SLC27A1: variants seen among roughly 807,000 people sequenced by gnomAD.
SLC27A1 encodes the protein solute carrier family 27 member 1.
Under a neutral mutation model 62.2 loss-of-function variants are expected in SLC27A1, and 61 were observed. That is an observed-to-expected ratio of 0.98 (90% CI 0.80 to 1.21). The LOEUF (loss-of-function observed/expected upper bound fraction) is 1.21. Among genes scored for constraint, SLC27A1 ranks in the 50% most tolerant of loss-of-function variants. The pLI is 0.00. For missense variants in SLC27A1, 903 were observed against 932.1 expected (o/e 0.97, Z 0.41); for synonymous variants, 435 against 408.6 (o/e 1.06, Z -0.78).
chr19:17,487,091 C>T (rs746127451), intron 2 of SLC27A1, 83 bp from the exon 3 acceptor site: 2 of 1,596,816 alleles, frequency 1.3e-6, no homozygotes, highest in South Asian at 1.1e-5. Context: ...CTGGGTATGC[C>T]CCGGGCAGGG....
chr19:17,505,630 C>A lies in SLC27A1; in HGVS notation c.*1018C>A. The A allele has an allele frequency of 6.5e-6, 1 of 153,154 alleles. No homozygotes were observed. 9.5% of individuals were successfully genotyped at this position (153,154 alleles called of 1,614,324 possible). On this transcript the variant is annotated 3_prime_UTR_variant, in exon 12 of 12. Transcript: ENST00000252595. ...ACTGTCAGCCCCTGCCTTGATGTCC[C>A]CATTTAGCCATCTCCATGGAGCTCC...
chr19:17,483,231 A>T (rs2075197954), intron 1 of SLC27A1, among the ~76,000 whole-genome samples: 1 of 152,170 alleles, frequency 6.6e-6, no homozygotes, highest in African/African-American at 2.4e-5. Context: ...AGTGAAGGTG[A>T]CAGGGAGGGC....
intron 1 of SLC27A1, among the ~76,000 whole-genome samples, chr19:17,473,563 T>G (rs2075096320): frequency 6.6e-6 from 1 of 152,156 alleles, no homozygotes; most frequent in Non-Finnish European, 1.5e-5. Context: ...GTTGCTACAT[T>G]AATAAAAAAT....
chr19:17,489,106 T>C lies in SLC27A1; in HGVS notation c.985T>C (p.Tyr329His), dbSNP rs775380263. Residue 329 changes from tyrosine (Y) to histidine (H), a missense_variant, in exon 6 of 12, where the codon TAC becomes CAC. Transcript: ENST00000252595. ...CCGCTTCTGGGACGACTGCATCAAG[T>C]ACAACTGCACGGTCAGGCCCTGCCC... is the stretch of plus-strand genomic sequence containing the variant. ...ASRFWDDCIK[Y>H]NCTVVQYIGE... is the part of the protein sequence containing the mutation. 15 of 1,614,016 alleles carry C rather than the reference T, an allele frequency of 9.3e-6. No homozygotes were observed. The highest frequency in any genetic ancestry group is 1.3e-5 in the Non-Finnish European group (15 of 1,179,954).
chr19:17,486,916 C>A lies in SLC27A1; in HGVS notation c.521C>A (p.Ser174Ter). The change falls in exon 2 of 12, where the codon TCG (serine) becomes TAG (stop). Residue 174 changes from serine to a stop codon, truncating the protein, a stop_gained. Coordinates refer to ENST00000252595, the MANE Select transcript of SLC27A1 (RefSeq NM_198580.3). LOFTEE classifies it high-confidence loss of function. This position sits in a 1 kb window ranked among gnomAD's most constrained non-coding sequence, Gnocchi z 6.6. ...REPLAFCLGT[S>*]GAKALIFGGE... ...CCCCTGGCCTTCTGCCTGGGCACCT[C>A]GGGCGCTAAGGCCCTGATCTTTGGA... The A allele has an allele frequency of 6.3e-7, 1 of 1,591,926 alleles. No homozygotes were observed. Among genetic ancestry groups the A allele is most frequent in the Non-Finnish European group, 8.5e-7 (1 of 1,176,266 alleles).
chr19:17,489,019 G>C lies in SLC27A1; in HGVS notation c.898G>C (p.Gly300Arg). ...PLYHSAGNII[G>R]VGQCLIYGLT... ...GCCACCCTCTGCAGGAAACATCATC[G>C]GCGTGGGGCAGTGTCTCATCTATGG... The change falls in exon 6 of 12, where the codon GGC becomes CGC. Residue 300 changes from glycine to arginine, a missense_variant. Coordinates refer to ENST00000252595, the MANE Select transcript of SLC27A1 (RefSeq NM_198580.3). The C allele has an allele frequency of 6.2e-7, 1 of 1,614,102 alleles. No homozygotes were observed. The highest frequency in any genetic ancestry group is 2.2e-5 in the East Asian group (1 of 44,870).
chr19:17,494,611 G>A lies in SLC27A1; in HGVS notation c.997-2644G>A, dbSNP rs373913794. Reference sequence around the variant, plus strand: ...GAAAGTGCTGAGATTACAGGCGTGAGCTACCGTGCCCGGCCACAGGTAGCC... The same window carrying A: ...GAAAGTGCTGAGATTACAGGCGTGAACTACCGTGCCCGGCCACAGGTAGCC... On this transcript the variant is annotated intron_variant, in intron 6 of 11. Transcript: ENST00000252595. 3.3e-5 allele frequency among the ~76,000 whole-genome samples: 5 copies of A among 152,216 alleles called. No homozygotes were observed. In the South Asian group the frequency reaches 8.3e-4, roughly 25 times the overall value.
chr19:17,490,479 CAG>C (rs2075284092), intron 6 of SLC27A1, among the ~76,000 whole-genome samples: 1 of 151,678 alleles, frequency 6.6e-6, no homozygotes. Flanking sequence ...AAAAAAATTA[CAG>C]AGAGTAGCAA....
chr19:17,500,462 C>T, intron 8 of SLC27A1, 33 bp from the exon 9 acceptor site: 1 of 1,612,592 alleles, frequency 6.2e-7, no homozygotes, highest in Non-Finnish European at 8.5e-7. Flanking sequence ...GCCCTGCCTG[C>T]CTAGCGCAGC....
chr19:17,495,536 C>T (rs192052425), intron 6 of SLC27A1: 305 of 152,484 alleles, frequency 2.0e-3, no homozygotes, highest in Middle Eastern at 3.3e-3. Flanking sequence ...CCTGCTTTGG[C>T]CTCCCAAAGT....
At chr19:17,469,298 T>A (rs1425535580), upstream of SLC27A1, among the ~76,000 whole-genome samples, 1 of 152,106 alleles carries the variant, frequency 6.6e-6, no homozygotes, top group African/African-American at 2.4e-5. Context: ...TGGTGTGAGT[T>A]GAGCACTCCC....
Position 17,504,856 on chromosome 19 carries a change from G to A in SLC27A1, c.*244G>A, listed in dbSNP as rs1293006614. 1.5e-6 allele frequency: 1 copy of A among 685,696 alleles called. No homozygotes were observed. Among genetic ancestry groups the A allele is most frequent in the Non-Finnish European group, 2.7e-6 (1 of 375,064 alleles). 42.5% of individuals were successfully genotyped at this position (685,696 alleles called of 1,614,324 possible). A position where few individuals can be genotyped will look rare whatever the true frequency, so the allele number is the denominator to read the frequency against. ...TCTGTCTCCTTCCATCCCTGTCCCT[G>A]TCTGGCCTTAACTCTTCCCTCTTTT... On this transcript the variant is annotated 3_prime_UTR_variant, in exon 12 of 12. Coordinates refer to ENST00000252595, the MANE Select transcript of SLC27A1 (RefSeq NM_198580.3).
Position 17,497,590 on chromosome 19 carries a change from G to A in SLC27A1, c.1206+126G>A, listed in dbSNP as rs148321933. ...CGCGGAAGGCTCCGCCAAGGCGCAC[G>A]CAGGGCGGGGTGTAAGGGGAGTTCC... On this transcript the variant is annotated intron_variant, in intron 7 of 11. Coordinates refer to ENST00000252595, the MANE Select transcript of SLC27A1 (RefSeq NM_198580.3). 6.6e-5 allele frequency: 56 copies of A among 847,028 alleles called. 1 individual carries two copies. In the East Asian group the frequency reaches 1.0e-3, roughly 16 times the overall value. The allele number at this position is 847,028 out of a possible 1,614,324, so 52.5% of individuals were successfully genotyped here.
chr19:17,489,231 A>G (rs1292963745), intron 6 of SLC27A1, 114 bp downstream of exon 6: 2 of 809,084 alleles, frequency 2.5e-6, no homozygotes, highest in Non-Finnish European at 3.9e-6. Context: ...GCAAAGCCCC[A>G]CCTCCTCCTG....
upstream of SLC27A1, chr19:17,470,508 GC>G (rs1568406997): frequency 6.6e-7 from 1 of 1,511,470 alleles, no homozygotes; most frequent in Non-Finnish European, 8.8e-7. Context: ...GGCTGGAGCG[GC>G]CCGCGGCCTC....
At position 17,500,496 on chromosome 19, in the gene SLC27A1, G is replaced by T; in HGVS notation, c.1335G>T (p.Gly445=). 1.9e-6 allele frequency: 3 copies of T among 1,613,690 alleles called. No individual in the cohort carries two copies. Among genetic ancestry groups the T allele is most frequent in the Non-Finnish European group, 2.5e-6 (3 of 1,179,826 alleles). The change falls in exon 9 of 12, where the codon GGG becomes GGT. Residue 445 remains glycine, a splice_region_variant and synonymous_variant. Transcript: ENST00000252595. ...AQGLCIPCQA[G]EPGLLVGQIN... ...GCCTGAACATGGCCTTCTCCCTAGG[G>T]GAGCCTGGCCTCCTTGTGGGTCAGA... is the stretch of plus-strand genomic sequence containing the variant.
intron 6 of SLC27A1, 113 bp downstream of exon 6, chr19:17,489,230 C>A: frequency 1.2e-6 from 1 of 851,666 alleles, no homozygotes. Flanking sequence ...AGCAAAGCCC[C>A]ACCTCCTCCT....
rs1038862626 is a variant in SLC27A1 at position 17,470,670 on chromosome 19, C to G, written c.130C>G (p.Leu44Val). ...CGTGGGCAGCGGCGGCTGGCGCTTCCTGCGCATCGTCTGCAAGACCGCGAG... is the reference window on the plus strand; with the variant it reads ...CGTGGGCAGCGGCGGCTGGCGCTTCGTGCGCATCGTCTGCAAGACCGCGAG... ...VYVGSGGWRF[L>V]RIVCKTARRD... The change falls in exon 1 of 12, where the codon CTG (leucine) becomes GTG (valine). Residue 44 changes from leucine (L) to valine (V), a missense_variant. Physicochemically the swap from Leu to Val is conservative, Grantham distance 32 (BLOSUM62 1). Transcript: ENST00000252595. 1 of 1,579,460 alleles carries G rather than the reference C, an allele frequency of 6.3e-7. No homozygotes were observed. The highest frequency in any genetic ancestry group is 1.4e-5 in the African/African-American group (1 of 74,032).
chr19:17,488,355 C>T (rs2075258910), intron 4 of SLC27A1, among the ~76,000 whole-genome samples: 1 of 152,074 alleles, frequency 6.6e-6, no homozygotes, highest in African/African-American at 2.4e-5. Context: ...AAGACTCCCT[C>T]TCAAAAAAAG....
Sources: allele counts gnomAD v4.1 joint callset (sites outside exome capture counted in the v4.1 genomes callset), GRCh38; gene constraint gnomAD v4.1.1; non-coding constraint Gnocchi (gnomAD v3.1); transcripts MANE v1.5; gene names NCBI Gene and HGNC (gene_info 2026-07-23, HGNC 2026-07-21).